Variants in FRMD6 observed in about 807,000 individuals in gnomAD.
FRMD6 encodes the protein FERM domain containing 6, also known as FERM domain-containing protein 6.
A neutral mutation model predicts 73.2 loss-of-function variants in FRMD6; 37 were observed. That is an observed-to-expected ratio of 0.51 (90% CI 0.39 to 0.66). The LOEUF (loss-of-function observed/expected upper bound fraction) is 0.66, where lower values mean the gene tolerates loss of function less well. Ranked by LOEUF, FRMD6 falls within the 30% of genes least tolerant of loss-of-function variation. The probability of loss-of-function intolerance (pLI) is 0.00; values close to 1 mark genes in which losing one functional copy is unlikely to be tolerated. For synonymous variants in FRMD6, 273 were observed against 282.2 expected, an observed-to-expected ratio of 0.97 and a Z score of 0.33; for missense variants, 714 against 780.5, an observed-to-expected ratio of 0.91 and a Z score of 1.02.
chr14:51,661,715 C>G (rs143001959), intron 1 of FRMD6, among the ~76,000 whole-genome samples: 2 of 152,214 alleles, frequency 1.3e-5, no homozygotes, highest in East Asian at 1.9e-4. Flanking sequence ...ATTTAGCAAC[C>G]TGGGGAGTCA....
intron 7 of FRMD6, among the ~76,000 whole-genome samples, chr14:51,709,132 G>C (rs1224963670): frequency 1.3e-5 from 2 of 152,052 alleles, no homozygotes; most frequent in African/African-American, 4.8e-5. Context: ...GTATTCAAAG[G>C]TGTATTCTCA....
intron 12 of FRMD6, among the ~76,000 whole-genome samples, chr14:51,723,772 C>CAAAAAA (rs71443192): frequency 7.2e-6 from 1 of 138,698 alleles, no homozygotes. Flanking sequence ...GAGACTCTGT[C>CAAAAAA]AAAAAAAAAA....
At chr14:51,475,771 C>A in the FRMD6 span, among the ~76,000 whole-genome samples, 6 of 152,066 alleles carry the variant, frequency 3.9e-5, no homozygotes, top group East Asian at 5.8e-4. Flanking sequence ...AAACTTTTTG[C>A]CAAAGTGCTC....
chr14:51,412,913 G>A, the FRMD6 span, among the ~76,000 whole-genome samples: 9 of 151,204 alleles, frequency 6.0e-5, no homozygotes, highest in South Asian at 1.9e-3. Flanking sequence ...GTAACAATCA[G>A]ATATGCATTT....
intron 1 of FRMD6, among the ~76,000 whole-genome samples, chr14:51,568,580 C>T (rs1222512827): frequency 6.6e-6 from 1 of 152,194 alleles, no homozygotes; most frequent in East Asian, 1.9e-4. Flanking sequence ...GCCAAAAATC[C>T]AGAACAGCTG....
intron 2 of FRMD6, among the ~76,000 whole-genome samples, chr14:51,608,909 T>G (rs1890375581): frequency 6.6e-6 from 1 of 152,176 alleles, no homozygotes; most frequent in Non-Finnish European, 1.5e-5. Context: ...GACAAATAAA[T>G]GCACTGGTGA....
upstream of FRMD6, among the ~76,000 whole-genome samples, chr14:51,647,657 A>C (rs538727249): frequency 2.6e-5 from 4 of 152,292 alleles, no homozygotes; most frequent in African/African-American, 9.6e-5. Context: ...AATGAACTTA[A>C]TTTCTTTATT....
intron 2 of FRMD6, among the ~76,000 whole-genome samples, chr14:51,607,016 T>C (rs927783201): frequency 2.6e-5 from 4 of 152,156 alleles, no homozygotes; most frequent in Non-Finnish European, 5.9e-5. Context: ...TCTGTGTTTA[T>C]TCTGTCCGGG....
At chr14:51,574,330 A>C (rs1888294254) in intron 2 of FRMD6, among the ~76,000 whole-genome samples, 1 of 152,256 alleles carries the variant, frequency 6.6e-6, no homozygotes, top group Admixed American at 6.5e-5. Flanking sequence ...ATGCAAAAAT[A>C]GACTCTATCC....
intron 2 of FRMD6, among the ~76,000 whole-genome samples, chr14:51,596,480 C>T (rs771160334): frequency 6.6e-6 from 1 of 152,196 alleles, no homozygotes; most frequent in Non-Finnish European, 1.5e-5. Flanking sequence ...TCATTGCTCT[C>T]TCTGCCTGAT....
the FRMD6 span, among the ~76,000 whole-genome samples, chr14:51,437,855 T>C: frequency 6.6e-6 from 1 of 152,190 alleles, no homozygotes; most frequent in Non-Finnish European, 1.5e-5. Flanking sequence ...TCAACACCAC[T>C]GAACTCTGTG....
intron 2 of FRMD6, chr14:51,584,196 C>T (rs1888893474): frequency 6.6e-6 from 1 of 152,174 alleles, no homozygotes; most frequent in Non-Finnish European, 1.5e-5. Context: ...CAGCATAACT[C>T]TTCTGATTCA....
At chr14:51,483,970 G>A in the FRMD6 span, among the ~76,000 whole-genome samples, 1 of 152,184 alleles carries the variant, frequency 6.6e-6, no homozygotes, top group Non-Finnish European at 1.5e-5. Flanking sequence ...CATAGCTGGG[G>A]CAGAGTAAGA....
chr14:51,637,708 A>T (rs547405021), intron 2 of FRMD6: 1 of 152,226 alleles, frequency 6.6e-6, no homozygotes, highest in Admixed American at 6.5e-5. Flanking sequence ...GTTAATTTCT[A>T]TAAGTCACAA....
chr14:51,709,055 C>T (rs1896795468), intron 7 of FRMD6, among the ~76,000 whole-genome samples: 1 of 152,184 alleles, frequency 6.6e-6, no homozygotes, highest in African/African-American at 2.4e-5. Context: ...TCCCCTCCTC[C>T]TCCTAACCCC....
the FRMD6 span, among the ~76,000 whole-genome samples, chr14:51,459,826 C>CAAA: frequency 4.3e-3 from 253 of 58,180 alleles, 5 homozygotes; most frequent in South Asian, 0.014. Flanking sequence ...GACTCCATTT[C>CAAA]AAAAAAAAAA....
intron 1 of FRMD6, among the ~76,000 whole-genome samples, chr14:51,688,035 A>G (rs1033866271): frequency 4.6e-5 from 7 of 152,174 alleles, no homozygotes; most frequent in African/African-American, 1.4e-4. Context: ...TGTGTTCATT[A>G]CAAACACCCA....
chr14:51,467,110 T>G, the FRMD6 span, among the ~76,000 whole-genome samples: 13 of 152,184 alleles, frequency 8.5e-5, no homozygotes, highest in Non-Finnish European at 1.6e-4. Flanking sequence ...CAGAGGGCCC[T>G]GCCGCCTTCC....
At chr14:51,449,811 A>T in the FRMD6 span, among the ~76,000 whole-genome samples, 6 of 152,160 alleles carry the variant, frequency 3.9e-5, no homozygotes, top group Non-Finnish European at 8.8e-5. Context: ...CCTGGGTCCC[A>T]CAGGAACCCC....
Sources: allele counts gnomAD v4.1 joint callset (sites outside exome capture counted in the v4.1 genomes callset), GRCh38; gene constraint gnomAD v4.1.1; transcripts MANE v1.5; gene names NCBI Gene and HGNC (gene_info 2026-07-23, HGNC 2026-07-21).